Variants in CTNNA3 observed in about 807,000 individuals in gnomAD.
The protein encoded by CTNNA3 is catenin alpha-3.
A neutral mutation model predicts 95.7 loss-of-function variants in CTNNA3; 76 were observed. That is an observed-to-expected ratio of 0.79 (90% CI 0.66 to 0.96). The LOEUF (loss-of-function observed/expected upper bound fraction) is 0.96, where lower values mean the gene tolerates loss of function less well. Ranked by LOEUF, CTNNA3 falls within the 40% of genes least tolerant of loss-of-function variation. The pLI is 0.00. For synonymous variants in CTNNA3, 431 were observed against 374.4 expected (o/e 1.15, Z -1.74); for missense variants, 1,191 against 1,089.8 (o/e 1.09, Z -1.31).
At chr10:67,484,859 A>G (rs1723493396) in intron 5 of CTNNA3, among the ~76,000 whole-genome samples, 2 of 152,206 alleles carry the variant, frequency 1.3e-5, no homozygotes, top group African/African-American at 4.8e-5. Flanking sequence ...ATGCTTATAT[A>G]TTGTTGGTAG....
chr10:67,274,286 A>C (rs1839097762), intron 5 of CTNNA3, among the ~76,000 whole-genome samples: 1 of 152,160 alleles, frequency 6.6e-6, no homozygotes, highest in African/African-American at 2.4e-5. Flanking sequence ...ATAAGTTAAG[A>C]ATAAAGGAAA....
At chr10:67,287,595 T>C (rs1839659052) in intron 5 of CTNNA3, among the ~76,000 whole-genome samples, 2 of 152,202 alleles carry the variant, frequency 1.3e-5, no homozygotes, top group African/African-American at 2.4e-5. Context: ...TTTCTTCTTG[T>C]AGCCATTCAT....
intron 11 of CTNNA3, among the ~76,000 whole-genome samples, chr10:66,406,182 C>T (rs2093055499): frequency 6.6e-6 from 1 of 152,148 alleles, no homozygotes; most frequent in South Asian, 2.1e-4. Flanking sequence ...TATGCATTAT[C>T]TTGGCTCCCA....
At chr10:67,327,388 T>C (rs1433002951) in intron 5 of CTNNA3, among the ~76,000 whole-genome samples, 2 of 152,196 alleles carry the variant, frequency 1.3e-5, no homozygotes, top group African/African-American at 4.8e-5. Flanking sequence ...CTGCTGACCT[T>C]TGGATGGGGT....
At chr10:67,355,379 C>G (rs577112792) in intron 5 of CTNNA3, among the ~76,000 whole-genome samples, 1 of 151,838 alleles carries the variant, frequency 6.6e-6, no homozygotes, top group South Asian at 2.1e-4. Context: ...TGTGTAGCCA[C>G]GAGTAGTGGA....
intron 12 of CTNNA3, among the ~76,000 whole-genome samples, chr10:66,290,029 A>G (rs1314890353): frequency 6.6e-6 from 1 of 152,094 alleles, no homozygotes; most frequent in African/African-American, 2.4e-5. Flanking sequence ...TTTGAAAAGA[A>G]TAAATGGAAG....
chr10:66,478,264 G>A (rs1164266996), intron 11 of CTNNA3, among the ~76,000 whole-genome samples: 1 of 151,992 alleles, frequency 6.6e-6, no homozygotes, highest in African/African-American at 2.4e-5. Context: ...GTACATGTGA[G>A]TGTCTATTGG....
intron 2 of CTNNA3, among the ~76,000 whole-genome samples, chr10:67,644,943 G>A (rs896214137): frequency 6.6e-6 from 1 of 152,044 alleles, no homozygotes; most frequent in Admixed American, 6.6e-5. Flanking sequence ...AGAACTGTCT[G>A]GTATGTAAAA....
rs1041354811 is a variant in CTNNA3 at position 65,917,791 on chromosome 10, A to G, written c.*2539T>C. The G allele has an allele frequency of 2.0e-5, 2 of 99,248 alleles. No individual in the cohort carries two copies. Among genetic ancestry groups the G allele is most frequent in the Non-Finnish European group, 4.4e-5 (2 of 45,048 alleles). 6.1% of individuals were successfully genotyped at this position (99,248 alleles called of 1,614,324 possible). A position where few individuals can be genotyped will look rare whatever the true frequency, so the allele number is the denominator to read the frequency against. ...AGAAATACCTAAATATAAATGTGTC[A>G]TGCTGATTAGTTTTTAACATAATGG... On this transcript the variant is annotated 3_prime_UTR_variant, in exon 18 of 18. Coordinates refer to ENST00000433211, the MANE Select transcript of CTNNA3 (RefSeq NM_013266.4).
At position 67,328,939 on chromosome 10, in the gene CTNNA3, C is replaced by T. The variant is rs1418412153; in HGVS notation, c.580-109069G>A. Among the ~76,000 whole-genome samples, 6 of 152,176 alleles carry T rather than the reference C, an allele frequency of 3.9e-5. No homozygotes were observed. In the South Asian group the frequency reaches 8.3e-4, roughly 21 times the overall value. ...TAAACACATGTACTTTTTCATTGTACCATAAATGTAGCATAATATTAAATA... is the reference window on the plus strand; with the variant it reads ...TAAACACATGTACTTTTTCATTGTATCATAAATGTAGCATAATATTAAATA... On this transcript the variant is annotated intron_variant, in intron 5 of 17. Transcript: ENST00000433211.
chr10:67,630,622 C>T (rs1208794146), intron 2 of CTNNA3, among the ~76,000 whole-genome samples: 1 of 152,004 alleles, frequency 6.6e-6, no homozygotes, highest in Non-Finnish European at 1.5e-5. Flanking sequence ...AAAGCTATCC[C>T]CAAGGGGACA....
At chr10:67,592,251 T>G (rs1333448201) in intron 3 of CTNNA3, among the ~76,000 whole-genome samples, 1 of 152,176 alleles carries the variant, frequency 6.6e-6, no homozygotes, top group African/African-American at 2.4e-5. Flanking sequence ...AATAAAATTT[T>G]ACTTTGTCTT....
intron 13 of CTNNA3, among the ~76,000 whole-genome samples, chr10:66,220,603 C>A (rs2088873130): frequency 6.6e-6 from 1 of 152,172 alleles, no homozygotes; most frequent in African/African-American, 2.4e-5. Flanking sequence ...TGTTCAGCAT[C>A]CAAGAAGAAT....
At chr10:66,430,737 T>G (rs185322804) in intron 11 of CTNNA3, among the ~76,000 whole-genome samples, 2 of 152,178 alleles carry the variant, frequency 1.3e-5, no homozygotes, top group East Asian at 3.9e-4. Flanking sequence ...CCTTACACCT[T>G]ATACAAAATT....
intron 2 of CTNNA3, among the ~76,000 whole-genome samples, chr10:67,608,369 T>C (rs1389695452): frequency 3.3e-5 from 5 of 152,220 alleles, no homozygotes; most frequent in Admixed American, 6.5e-5. Context: ...TATTTTATAA[T>C]TATTTGATAT....
chr10:66,389,856 A>G (rs1391442295), intron 11 of CTNNA3, among the ~76,000 whole-genome samples: 1 of 151,908 alleles, frequency 6.6e-6, no homozygotes, highest in Non-Finnish European at 1.5e-5. Context: ...ATTCCACCTC[A>G]GGCTCCCAAG....
intron 3 of CTNNA3, among the ~76,000 whole-genome samples, chr10:67,547,076 ATGGTC>A (rs1840866573): frequency 2.0e-5 from 3 of 152,188 alleles, no homozygotes; most frequent in Non-Finnish European, 4.4e-5. Flanking sequence ...CGATTATAAC[ATGGTC>A]TCCACCAGGT....
intron 5 of CTNNA3, among the ~76,000 whole-genome samples, chr10:67,372,650 G>A (rs1220973549): frequency 6.6e-6 from 1 of 152,104 alleles, no homozygotes; most frequent in African/African-American, 2.4e-5. Context: ...TCCTCGAGAA[G>A]AGCAACTCCA....
At chr10:65,935,190 C>T (rs778634370) in intron 17 of CTNNA3, among the ~76,000 whole-genome samples, 7 of 152,196 alleles carry the variant, frequency 4.6e-5, no homozygotes, top group South Asian at 2.1e-4. Flanking sequence ...TATATTTCAA[C>T]GTATCTTCAA....
Sources: allele counts gnomAD v4.1 joint callset (sites outside exome capture counted in the v4.1 genomes callset), GRCh38; gene constraint gnomAD v4.1.1; transcripts MANE v1.5; gene names NCBI Gene and HGNC (gene_info 2026-07-23, HGNC 2026-07-21).